Variants in PSD2 observed in about 807,000 individuals in gnomAD.
PSD2 encodes pleckstrin and Sec7 domain containing 2.
A neutral mutation model predicts 69.8 loss-of-function variants in PSD2; 38 were observed. That is an observed-to-expected ratio of 0.54 (90% CI 0.42 to 0.71). The LOEUF (loss-of-function observed/expected upper bound fraction) is 0.71. PSD2 is among the 30% of genes least tolerant of loss of function. The pLI, the probability that PSD2 is intolerant of heterozygous loss-of-function variation, is 0.00. For missense variants in PSD2, 943 were observed against 1,014.5 expected (o/e 0.93, Z 0.96); for synonymous variants, 412 against 423.0 (o/e 0.97, Z 0.32).
the PSD2 span, among the ~76,000 whole-genome samples, chr5:139,753,823 T>TG: frequency 6.6e-6 from 1 of 150,626 alleles, no homozygotes. Flanking sequence ...GAGTTGTTTT[T>TG]TTTTTTGTTT....
chr5:139,778,803 C>G, the PSD2 span, among the ~76,000 whole-genome samples: 3 of 151,818 alleles, frequency 2.0e-5, no homozygotes, highest in East Asian at 5.8e-4. Flanking sequence ...GTGGCACGTG[C>G]CTATAGTCGC....
chr5:139,828,771 A>G (rs889138562), intron 7 of PSD2, among the ~76,000 whole-genome samples: 5 of 152,160 alleles, frequency 3.3e-5, no homozygotes, highest in African/African-American at 9.7e-5. Flanking sequence ...CTGTGGGGCA[A>G]AGGCAGTGAC....
rs370905290 is a variant in PSD2 at position 139,814,228 on chromosome 5, G to A, written c.880G>A (p.Gly294Arg). ...AGACTCTGAGCTCAGCAGCTCGGAG[G>A]GGTTGGAGCCTGGTAGTGCAGACCC... The part of the protein sequence containing the change: ...DSDSELSSSE[G>R]LEPGSADPLA... The change falls in exon 4 of 15, where the codon GGG (glycine) becomes AGG (arginine). Residue 294 changes from glycine to arginine, a missense_variant. Gly to Arg is a moderately radical substitution (Grantham distance 125). This residue lies in a region of PSD2 where 466 missense variants were observed against 445.0 expected (regional missense o/e 1.05). Coordinates refer to ENST00000274710, the MANE Select transcript of PSD2 (RefSeq NM_032289.4). This position sits in a 1 kb window ranked among gnomAD's most constrained non-coding sequence, Gnocchi z 4.4. 3 of 1,613,730 alleles carry A rather than the reference G, an allele frequency of 1.9e-6. No individual in the cohort carries two copies. The highest frequency in any genetic ancestry group is 1.7e-5 in the Admixed American group (1 of 59,962).
At chr5:139,825,680 T>G (rs1760398078) in intron 7 of PSD2, among the ~76,000 whole-genome samples, 2 of 98,448 alleles carry the variant, frequency 2.0e-5, no homozygotes, top group Non-Finnish European at 2.1e-5. Flanking sequence ...GAAACTTCTG[T>G]GTGGGGGTGG....
chr5:139,821,912 C>G lies in PSD2; in HGVS notation c.1117C>G (p.Pro373Ala), dbSNP rs752437228. The G allele has an allele frequency of 2.5e-6, 4 of 1,608,104 alleles. No individual in the cohort carries two copies. Among genetic ancestry groups the G allele is most frequent in the Non-Finnish European group, 3.4e-6 (4 of 1,176,748 alleles). Residue 373 changes from proline to alanine, a missense_variant, in exon 6 of 15, where the codon CCG becomes GCG. This residue lies in a region of PSD2 where 312 missense variants were observed against 400.7 expected (regional missense o/e 0.78). Transcript: ENST00000274710. ...TTCCAGAACATTCTTGAAGGCCTTCCCGCTGATGGGGGAGACACAAGAGCG... is the reference window on the plus strand; with the variant it reads ...TTCCAGAACATTCTTGAAGGCCTTCGCGCTGATGGGGGAGACACAAGAGCG... The part of the protein sequence containing the change: ...GALRTFLKAF[P>A]LMGETQERER...
At position 139,837,803 on chromosome 5, in the gene PSD2, T is replaced by A. The variant is rs1430142279; in HGVS notation, c.1823+21T>A. 1 of 1,595,040 alleles carries A rather than the reference T, an allele frequency of 6.3e-7. No homozygotes were observed. Among genetic ancestry groups the A allele is most frequent in the Admixed American group, 1.7e-5 (1 of 59,026 alleles). ...GCACCGTGAGTAGGAGCTGGAGCCC[T>A]TCACTCCCACCTGGGGCCCAGGGCC... On this transcript the variant is annotated intron_variant, in intron 12 of 14. Transcript: ENST00000274710. The surrounding 1 kb of genome is among the most constrained non-coding windows in gnomAD (Gnocchi z 5.0).
At chr5:139,817,634 C>A in intron 5 of PSD2, 73 bp downstream of exon 5, 4 of 1,285,302 alleles carry the variant, frequency 3.1e-6, no homozygotes, top group South Asian at 2.4e-5. Flanking sequence ...GTCAACTCTA[C>A]CATAAACTTG....
chr5:139,813,511 C>G lies in PSD2; in HGVS notation c.574C>G (p.Pro192Ala). The change falls in exon 3 of 15, where the codon CCT becomes GCT. Residue 192 changes from proline (P) to alanine (A), a missense_variant. By Grantham distance (27) the Pro-to-Ala change is conservative. Coordinates refer to ENST00000274710, the MANE Select transcript of PSD2 (RefSeq NM_032289.4). ...CATCCAGCAGCGGGCCCGTGACAGC[C>G]CTGAGCCAGGGGCTGGGTTGGGCAT... ...PLIQQRARDS[P>A]EPGAGLGIGD... 6.2e-7 allele frequency: 1 copy of G among 1,612,294 alleles called. No individual in the cohort carries two copies. The highest frequency in any genetic ancestry group is 1.7e-5 in the Admixed American group (1 of 59,954).
At chr5:139,762,687 A>G in the PSD2 span, among the ~76,000 whole-genome samples, 3 of 152,206 alleles carry the variant, frequency 2.0e-5, no homozygotes, top group South Asian at 6.2e-4. Flanking sequence ...TGTCCAAGAG[A>G]GGAGGGTCAT....
At chr5:139,787,850 G>A in the PSD2 span, among the ~76,000 whole-genome samples, 1 of 152,256 alleles carries the variant, frequency 6.6e-6, no homozygotes, top group African/African-American at 2.4e-5. Context: ...TTTTCCATCC[G>A]TGTTGTGTAA....
At chr5:139,824,250 C>G (rs528365512) in intron 7 of PSD2, among the ~76,000 whole-genome samples, 1 of 152,198 alleles carries the variant, frequency 6.6e-6, no homozygotes, top group Non-Finnish European at 1.5e-5. Flanking sequence ...AAGAGCACCC[C>G]GCAGCTTGGT....
intron 2 of PSD2, among the ~76,000 whole-genome samples, chr5:139,811,521 T>C (rs1035351909): frequency 6.6e-6 from 1 of 152,212 alleles, no homozygotes; most frequent in Non-Finnish European, 1.5e-5. Context: ...TGGGCTGGGC[T>C]CAGCCTGCTG....
the PSD2 span, among the ~76,000 whole-genome samples, chr5:139,768,925 T>C: frequency 2.6e-5 from 4 of 152,118 alleles, no homozygotes; most frequent in Admixed American, 6.5e-5. Flanking sequence ...GCCTGTGAAC[T>C]CATGCGTTCA....
In PSD2 at chr5:139,839,925, C is replaced by A; in HGVS notation, c.1969-102C>A. On this transcript the variant is annotated intron_variant, in intron 13 of 14. Coordinates refer to ENST00000274710, the MANE Select transcript of PSD2 (RefSeq NM_032289.4). This position sits in a 1 kb window ranked among gnomAD's most constrained non-coding sequence, Gnocchi z 5.1. ...CACATTTTGGTGATGCTGGCTAGGC[C>A]TTCATTTCCCTTTGGTGGAGCAGCT... is the stretch of plus-strand genomic sequence containing the variant. 7.3e-7 allele frequency: 1 copy of A among 1,370,698 alleles called. No individual in the cohort carries two copies. The highest frequency in any genetic ancestry group is 2.3e-5 in the East Asian group (1 of 43,050). 84.9% of individuals were successfully genotyped at this position (1,370,698 alleles called of 1,614,324 possible).
intron 6 of PSD2, among the ~76,000 whole-genome samples, chr5:139,822,421 G>A (rs1463583109): frequency 1.3e-5 from 2 of 152,250 alleles, no homozygotes; most frequent in African/African-American, 4.8e-5. Flanking sequence ...ACAGGTCAAT[G>A]CAGGGGCAGG....
the PSD2 span, among the ~76,000 whole-genome samples, chr5:139,768,013 C>A: frequency 6.6e-6 from 1 of 152,232 alleles, no homozygotes. Context: ...TGAGCTGTCC[C>A]CTGTGCAGTG....
chr5:139,786,736 T>G, the PSD2 span, among the ~76,000 whole-genome samples: 1 of 152,050 alleles, frequency 6.6e-6, no homozygotes, highest in African/African-American at 2.4e-5. Context: ...CTTCTGCTTG[T>G]ACTGCACTGT....
At chr5:139,762,545 T>C in the PSD2 span, among the ~76,000 whole-genome samples, 5 of 152,352 alleles carry the variant, frequency 3.3e-5, no homozygotes, top group East Asian at 9.6e-4. Context: ...GTATCCCCTG[T>C]ATTGCCCATG....
At chr5:139,780,433 C>CT in the PSD2 span, among the ~76,000 whole-genome samples, 22 of 152,010 alleles carry the variant, frequency 1.4e-4, no homozygotes, top group Middle Eastern at 3.4e-3. Context: ...CATTAAATTT[C>CT]TTTTTTTTGT....
Sources: gnomAD v4.1 joint callset for allele counts (sites outside exome capture counted in the v4.1 genomes callset) on GRCh38, gnomAD v4.1.1 for gene constraint, gnomAD v4.1.1 regional missense constraint, Gnocchi (gnomAD v3.1) non-coding constraint, MANE v1.5 for transcripts, NCBI Gene and HGNC (gene_info 2026-07-23, HGNC 2026-07-21) for gene names.